The following YAF2 variants were observed in gnomAD, a reference collection of about 807,000 sequenced individuals.
The protein encoded by YAF2 is YY1 associated factor 2.
In YAF2, 7 loss-of-function variants were observed where a neutral mutation model predicts 20.1. The observed-to-expected ratio is 0.35, with a 90% CI of 0.20 to 0.65. YAF2 has a LOEUF of 0.65. YAF2 is among the 30% of genes least tolerant of loss of function. The pLI is 0.69. For missense variants in YAF2, 151 were observed against 219.2 expected (o/e 0.69, Z 1.96); for synonymous variants, 74 against 76.0 (o/e 0.97, Z 0.14).
intron 2 of YAF2, among the ~76,000 whole-genome samples, chr12:42,229,655 T>C (rs1178018207): frequency 2.0e-5 from 3 of 152,210 alleles, no homozygotes; most frequent in African/African-American, 7.2e-5. Context: ...TGTCAGAACA[T>C]CATAGAATGT....
intron 2 of YAF2, chr12:42,234,128 G>A (rs1047733354): frequency 2.3e-5 from 20 of 858,490 alleles, no homozygotes; most frequent in Middle Eastern, 5.8e-4. Context: ...CCGAGGTCAC[G>A]CCACTGTACT....
chr12:42,190,726 T>C (rs75846646), intron 2 of YAF2, among the ~76,000 whole-genome samples: 1,567 of 152,240 alleles, frequency 0.01, 16 homozygotes, highest in Non-Finnish European at 0.016. Context: ...GTCTGCAGTA[T>C]CTTTAGACCT....
chr12:42,182,735 A>G lies in YAF2; in HGVS notation c.153-20970T>C, dbSNP rs74429169. Reference sequence around the variant, plus strand: ...CATTATTGAATATATTGAATTTTCCATCTTAATATAAACTGGCTATTGCAG... The same window carrying G: ...CATTATTGAATATATTGAATTTTCCGTCTTAATATAAACTGGCTATTGCAG... On this transcript the variant is annotated intron_variant, in intron 2 of 3. Coordinates refer to ENST00000534854, the MANE Select transcript of YAF2 (RefSeq NM_005748.6). Among the ~76,000 whole-genome samples, 960 of 152,340 alleles carry G rather than the reference A, an allele frequency of 6.3e-3. 8 individuals are homozygous for G. Among genetic ancestry groups the G allele is most frequent in the African/African-American group, 0.022 (904 of 41,584 alleles).
chr12:42,181,804 T>TATCACAG (rs2066348647), intron 2 of YAF2, among the ~76,000 whole-genome samples: 1 of 152,186 alleles, frequency 6.6e-6, no homozygotes, highest in Non-Finnish European at 1.5e-5. Flanking sequence ...GTAAATGAAT[T>TATCACAG]TATAACTGTG....
chr12:42,205,173 A>G (rs1468659075), intron 2 of YAF2, among the ~76,000 whole-genome samples: 2 of 151,848 alleles, frequency 1.3e-5, no homozygotes, highest in African/African-American at 4.8e-5. Flanking sequence ...TCACTAGAAA[A>G]TAAAACTCAT....
chr12:42,228,166 C>A (rs2067818089), intron 2 of YAF2, among the ~76,000 whole-genome samples: 1 of 88,332 alleles, frequency 1.1e-5, no homozygotes. Flanking sequence ...CGGCCCCCCG[C>A]CCGGCCAGCC....
At chr12:42,236,049 C>G in intron 2 of YAF2, 3 of 1,529,082 alleles carry the variant, frequency 2.0e-6, no homozygotes, top group Middle Eastern at 3.4e-4. Flanking sequence ...CTAATGGCTA[C>G]AAGAAAATAG....
intron 2 of YAF2, chr12:42,236,104 G>A: frequency 7.1e-7 from 1 of 1,400,214 alleles, no homozygotes. Flanking sequence ...CAGAGATCAA[G>A]ATTATAATTG....
chr12:42,215,458 G>A (rs1198956612), intron 2 of YAF2, among the ~76,000 whole-genome samples: 2 of 152,108 alleles, frequency 1.3e-5, no homozygotes, highest in Non-Finnish European at 2.9e-5. Flanking sequence ...AGAGATAGCT[G>A]TTACTTTATA....
At chr12:42,203,350 G>T (rs993982324) in intron 2 of YAF2, among the ~76,000 whole-genome samples, 4 of 152,102 alleles carry the variant, frequency 2.6e-5, no homozygotes, top group African/African-American at 9.7e-5. Flanking sequence ...AATACAAACA[G>T]TACTTTCATT....
chr12:42,208,093 T>C (rs1467896555), intron 2 of YAF2, among the ~76,000 whole-genome samples: 1 of 151,980 alleles, frequency 6.6e-6, no homozygotes, highest in African/African-American at 2.4e-5. Flanking sequence ...GTGTAAAAAA[T>C]AAAATAATAA....
intron 2 of YAF2, among the ~76,000 whole-genome samples, chr12:42,218,453 G>A (rs778419948): frequency 6.6e-6 from 1 of 152,042 alleles, no homozygotes; most frequent in Non-Finnish European, 1.5e-5. Context: ...CTATTTTATT[G>A]TGTAAAGTGG....
intron 2 of YAF2, among the ~76,000 whole-genome samples, chr12:42,211,941 C>G (rs964545872): frequency 2.7e-5 from 4 of 150,418 alleles, no homozygotes; most frequent in Non-Finnish European, 4.4e-5. Context: ...CCCAGCTACT[C>G]AGGAGGCTGA....
chr12:42,227,050 G>A (rs868376113), intron 2 of YAF2, among the ~76,000 whole-genome samples: 3,553 of 145,046 alleles, frequency 0.024, 125 homozygotes, highest in African/African-American at 0.081. Flanking sequence ...CCGCTGCCGC[G>A]ACCGACCGCA....
rs562303005 is a variant in YAF2 at position 42,176,156 on chromosome 12, G to GA, written c.153-14392dup. Among the ~76,000 whole-genome samples, 630 of 149,088 alleles carry GA rather than the reference G, an allele frequency of 4.2e-3. 2 individuals are homozygous for GA. The highest frequency in any genetic ancestry group is 6.5e-3 in the Non-Finnish European group (443 of 67,724). ...ACTTACTCAGGAGGCTGAGGCAGGA[G>GA]AATCACTTGAATCCAGAAGGCAGAG... is the stretch of plus-strand genomic sequence containing the variant. On this transcript the variant is annotated intron_variant, in intron 2 of 3. Coordinates refer to ENST00000534854, the MANE Select transcript of YAF2 (RefSeq NM_005748.6).
chr12:42,195,774 G>C (rs1318635523), intron 2 of YAF2, among the ~76,000 whole-genome samples: 2 of 152,184 alleles, frequency 1.3e-5, no homozygotes, highest in Admixed American at 6.5e-5. Context: ...GTTAAATTCA[G>C]GCAGCTATGG....
At chr12:42,227,748 G>C (rs946798891) in intron 2 of YAF2, among the ~76,000 whole-genome samples, 1 of 148,510 alleles carries the variant, frequency 6.7e-6, no homozygotes, top group Non-Finnish European at 1.5e-5. Flanking sequence ...GGAGGGAGGT[G>C]GGGGGGTCAG....
chr12:42,230,922 G>A (rs1166268940), intron 2 of YAF2, among the ~76,000 whole-genome samples: 1 of 152,228 alleles, frequency 6.6e-6, no homozygotes, highest in Non-Finnish European at 1.5e-5. Flanking sequence ...ACAGATGAGT[G>A]AGATTGGGCC....
intron 2 of YAF2, among the ~76,000 whole-genome samples, chr12:42,176,840 G>T (rs534839211): frequency 6.6e-6 from 1 of 152,046 alleles, no homozygotes; most frequent in Admixed American, 6.6e-5. Context: ...GGTGCTGGGC[G>T]TCTGTAATCC....
Sources: allele counts gnomAD v4.1 joint callset (sites outside exome capture counted in the v4.1 genomes callset), GRCh38; gene constraint gnomAD v4.1.1; transcripts MANE v1.5; gene names NCBI Gene and HGNC (gene_info 2026-07-23, HGNC 2026-07-21).